Variants in RAD51B observed in about 807,000 individuals in gnomAD.
RAD51B encodes the protein RAD51 paralog B.
Under a neutral mutation model 42.2 loss-of-function variants are expected in RAD51B, and 38 were observed. The ratio of observed to expected loss-of-function variants is 0.90; its 90% CI spans 0.70 to 1.18. The LOEUF (loss-of-function observed/expected upper bound fraction) is 1.18, where lower values mean the gene tolerates loss of function less well. Among genes scored for constraint, RAD51B ranks in the 50% most tolerant of loss-of-function variants. The pLI, the probability that RAD51B is intolerant of heterozygous loss-of-function variation, is 0.00. For missense variants in RAD51B, 373 were observed against 400.7 expected (o/e 0.93, Z 0.59); for synonymous variants, 154 against 145.2 (o/e 1.06, Z -0.43).
intron 10 of RAD51B, among the ~76,000 whole-genome samples, chr14:68,627,938 C>A (rs1331639278): frequency 2.0e-5 from 3 of 152,084 alleles, no homozygotes; most frequent in Non-Finnish European, 4.4e-5. Context: ...TAAACACCAT[C>A]CAGTCAGCCC....
intron 7 of RAD51B, among the ~76,000 whole-genome samples, chr14:68,168,318 A>T (rs952190022): frequency 1.3e-5 from 2 of 152,096 alleles, no homozygotes; most frequent in Non-Finnish European, 2.9e-5. Flanking sequence ...AACGTCTTTT[A>T]TGTCTTTGAT....
intron 4 of RAD51B, among the ~76,000 whole-genome samples, chr14:67,850,273 A>T (rs774164574): frequency 3.9e-5 from 6 of 152,230 alleles, no homozygotes; most frequent in Non-Finnish European, 8.8e-5. Context: ...GATTACAGAC[A>T]TGAGTCACCG....
chr14:68,346,724 C>T (rs1255460856), intron 8 of RAD51B, among the ~76,000 whole-genome samples: 1 of 152,200 alleles, frequency 6.6e-6, no homozygotes, highest in Non-Finnish European at 1.5e-5. Flanking sequence ...CCCTAGCATA[C>T]ATACAGGGAC....
intron 8 of RAD51B, among the ~76,000 whole-genome samples, chr14:68,314,775 C>G (rs1289588714): frequency 3.9e-5 from 6 of 152,166 alleles, no homozygotes; most frequent in Non-Finnish European, 8.8e-5. Context: ...AGAGTACAGA[C>G]AGAGCTCCTG....
chr14:68,342,837 T>A (rs2082599133), intron 8 of RAD51B, among the ~76,000 whole-genome samples: 1 of 152,188 alleles, frequency 6.6e-6, no homozygotes, highest in African/African-American at 2.4e-5. Flanking sequence ...AATTTTCAGT[T>A]TTAGGTGAAT....
chr14:68,455,756 G>A (rs892270599), intron 9 of RAD51B, among the ~76,000 whole-genome samples: 5 of 152,056 alleles, frequency 3.3e-5, no homozygotes, highest in African/African-American at 1.2e-4. Context: ...TAAAAAGTGT[G>A]TTGGTAAAGA....
At chr14:68,150,763 A>G (rs1381890680) in intron 7 of RAD51B, among the ~76,000 whole-genome samples, 5 of 152,130 alleles carry the variant, frequency 3.3e-5, no homozygotes, top group African/African-American at 1.2e-4. Flanking sequence ...AGTGATGGCC[A>G]TAGGATTTGA....
At chr14:68,208,615 G>C (rs560560636) in intron 7 of RAD51B, among the ~76,000 whole-genome samples, 28 of 152,276 alleles carry the variant, frequency 1.8e-4, no homozygotes, top group African/African-American at 6.5e-4. Context: ...AGCTAGAGAG[G>C]ATCTTTGAGG....
intron 7 of RAD51B, among the ~76,000 whole-genome samples, chr14:68,048,237 T>A (rs2076334592): frequency 6.6e-6 from 1 of 152,226 alleles, no homozygotes; most frequent in Non-Finnish European, 1.5e-5. Context: ...CATAAATGTC[T>A]TCTTTTGAGA....
At chr14:68,248,097 G>C (rs568529833) in intron 7 of RAD51B, among the ~76,000 whole-genome samples, 2 of 152,192 alleles carry the variant, frequency 1.3e-5, no homozygotes, top group Non-Finnish European at 2.9e-5. Flanking sequence ...CTCACACTCA[G>C]ACCTTCACCC....
intron 7 of RAD51B, among the ~76,000 whole-genome samples, chr14:68,099,246 C>A (rs1486009185): frequency 6.6e-6 from 1 of 152,164 alleles, no homozygotes; most frequent in East Asian, 1.9e-4. Context: ...GGGGACAGAT[C>A]CCCAACTATC....
At chr14:68,560,608 C>T (rs1238431068) in intron 10 of RAD51B, among the ~76,000 whole-genome samples, 4 of 152,190 alleles carry the variant, frequency 2.6e-5, no homozygotes, top group East Asian at 1.9e-4. Context: ...TGGTGGTGAG[C>T]GCCTGTAATC....
intron 7 of RAD51B, among the ~76,000 whole-genome samples, chr14:68,187,401 T>A (rs1372052519): frequency 6.6e-6 from 1 of 152,222 alleles, no homozygotes; most frequent in Non-Finnish European, 1.5e-5. Flanking sequence ...CCCTTTGGGA[T>A]GTTATGCTGA....
At chr14:68,044,142 A>T (rs1425734966) in intron 7 of RAD51B, among the ~76,000 whole-genome samples, 4 of 152,218 alleles carry the variant, frequency 2.6e-5, no homozygotes, top group Admixed American at 2.6e-4. Context: ...GACTGCTCTC[A>T]CTGTCTTCTT....
At chr14:68,353,881 A>G (rs1276741907) in intron 8 of RAD51B, among the ~76,000 whole-genome samples, 2 of 152,226 alleles carry the variant, frequency 1.3e-5, no homozygotes, top group African/African-American at 4.8e-5. Flanking sequence ...TGAGCAGTTC[A>G]GGCCTTCCAC....
chr14:68,237,863 T>C (rs1286976477), intron 7 of RAD51B, among the ~76,000 whole-genome samples: 4 of 151,222 alleles, frequency 2.6e-5, no homozygotes, highest in Non-Finnish European at 5.9e-5. Context: ...GCCTCCCAAG[T>C]AGCTGGGATT....
chr14:67,990,492 T>TA (rs879312569), intron 7 of RAD51B, among the ~76,000 whole-genome samples: 57 of 152,054 alleles, frequency 3.7e-4, no homozygotes, highest in Non-Finnish European at 5.6e-4. Context: ...ACTTTTATTG[T>TA]AAAAAAAAGA....
intron 10 of RAD51B, among the ~76,000 whole-genome samples, chr14:68,552,649 T>C (rs2140386553): frequency 6.6e-6 from 1 of 152,282 alleles, no homozygotes. Flanking sequence ...TAAAAATAAA[T>C]TATCTGGAGC....
In RAD51B at chr14:68,469,350, C is replaced by T. The variant is rs140718778; in HGVS notation, c.1036+1100C>T. On this transcript the variant is annotated intron_variant, in intron 10 of 10. Transcript: ENST00000471583. ...ACTAAGGAACAGGCTGCAGCCTTCC[C>T]TTTCCTTCCCCTTCTAAAATGTCTG... Among the ~76,000 whole-genome samples the T allele has an allele frequency of 7.1e-3, 1,085 of 152,340 alleles. 8 individuals carry two copies. Among genetic ancestry groups the T allele is most frequent in the Middle Eastern group, 0.024 (7 of 294 alleles).
Sources: gnomAD v4.1 joint callset for allele counts (sites outside exome capture counted in the v4.1 genomes callset) on GRCh38, gnomAD v4.1.1 for gene constraint, MANE v1.5 for transcripts, NCBI Gene and HGNC (gene_info 2026-07-23, HGNC 2026-07-21) for gene names.